Variants in CDKL3 observed in about 807,000 individuals in gnomAD.
CDKL3 encodes the protein cyclin dependent kinase like 3.
In CDKL3, 65 loss-of-function variants were observed where a neutral mutation model predicts 69.3. The observed-to-expected ratio is 0.94, with a 90% confidence interval of 0.77 to 1.15. CDKL3 has a LOEUF of 1.15. Ranked by LOEUF, CDKL3 falls within the 50% of genes most tolerant of loss-of-function variation. The pLI is 0.00. For missense variants in CDKL3, 652 were observed against 689.2 expected, an observed-to-expected ratio of 0.95 and a Z score of 0.61; for synonymous variants, 202 against 221.6, an observed-to-expected ratio of 0.91 and a Z score of 0.79.
intron 6 of CDKL3, among the ~76,000 whole-genome samples, chr5:134,314,876 GTGTT>G (rs568947337): frequency 3.2e-4 from 48 of 152,266 alleles, no homozygotes; most frequent in South Asian, 1.5e-3. Flanking sequence ...TATCGTGTGT[GTGTT>G]TGTGTGTGTG....
Position 134,361,083 on chromosome 5 carries a change from G to A in CDKL3, c.166-992C>T, listed in dbSNP as rs188997848. 5.0e-3 allele frequency among the ~76,000 whole-genome samples: 754 copies of A among 152,216 alleles called. 4 individuals are homozygous for A. The highest frequency in any genetic ancestry group is 0.014 in the Middle Eastern group (4 of 294). On this transcript the variant is annotated intron_variant, in intron 2 of 12. Transcript: ENST00000265334. ...ATTATTGCTAAAATAATTTTAAAAT[G>A]TAAATGATGCCCATGTATCAGCTTA...
In CDKL3 at chr5:134,313,983, A is replaced by T. The variant is rs1427597485; in HGVS notation, c.793-1603T>A. ...AGAAACTCCGTCCCCACTAAAAAAA[A>T]AATAATACAAAATTAGCCGGGTGTG... is the stretch of plus-strand genomic sequence containing the variant. On this transcript the variant is annotated intron_variant, in intron 6 of 12. Coordinates refer to ENST00000265334, the MANE Select transcript of CDKL3 (RefSeq NM_001113575.2). Among the ~76,000 whole-genome samples the T allele has an allele frequency of 2.6e-5, 4 of 152,064 alleles. No individual in the cohort carries two copies. In the East Asian group the frequency reaches 7.7e-4, roughly 29 times the overall value.
chr5:134,364,018 T>C lies in CDKL3; in HGVS notation c.165+2341A>G, dbSNP rs552875930. Among the ~76,000 whole-genome samples the C allele has an allele frequency of 2.2e-4, 32 of 147,008 alleles. No homozygotes were observed. The East Asian group carries it at 2.8e-3, about 13-fold the overall frequency. ...GCAAATTGATCCATCATATCTCATA[T>C]AGACTTACAAAGAAAGAAGAAAATA... On this transcript the variant is annotated intron_variant, in intron 2 of 12. Coordinates refer to ENST00000265334, the MANE Select transcript of CDKL3 (RefSeq NM_001113575.2).
chr5:134,368,671 C>T (rs1943892966), upstream of CDKL3, among the ~76,000 whole-genome samples: 1 of 149,124 alleles, frequency 6.7e-6, no homozygotes, highest in South Asian at 2.1e-4. Flanking sequence ...TATAAAATAC[C>T]TTCTATAAAT....
chr5:134,366,458 T>C lies in CDKL3; in HGVS notation c.66A>G (p.Lys22=), dbSNP rs1156956130. The C allele has an allele frequency of 6.2e-7, 1 of 1,609,202 alleles. No individual in the cohort carries two copies. Residue 22 remains lysine, a synonymous_variant, in exon 2 of 13, where the codon AAA becomes AAG. Coordinates refer to ENST00000265334, the MANE Select transcript of CDKL3 (RefSeq NM_001113575.2). The stretch of plus-strand genomic sequence containing the variant: ...CCACTATCTGCCCAGTATTCTTATG[T>C]TTACATTTCATGACTGTTCCGTAAC... ...EGSYGTVMKC[K]HKNTGQIVAI...
In CDKL3 at chr5:134,308,198, AGATT is replaced by A. The variant is rs1254109004; in HGVS notation, c.1300_1303del (p.Asn434Ter). 4.3e-6 allele frequency: 7 copies of A among 1,613,910 alleles called. 1 individual carries two copies. In the East Asian group the frequency reaches 1.6e-4, roughly 36 times the overall value. On this transcript the variant is annotated frameshift_variant, in exon 9 of 13. Coordinates refer to ENST00000265334, the MANE Select transcript of CDKL3 (RefSeq NM_001113575.2). LOFTEE classifies it high-confidence loss of function. ...TGCAGCCATCAAATTACTGTTAGTTAGATTGATGGGTGGCATTGTCACAGAACCT... is the reference window on the plus strand; with the variant it reads ...TGCAGCCATCAAATTACTGTTAGTTAGATGGGTGGCATTGTCACAGAACCT...
chr5:134,295,868 A>G (rs576796687), downstream of CDKL3, among the ~76,000 whole-genome samples: 46 of 152,280 alleles, frequency 3.0e-4, no homozygotes, highest in African/African-American at 1.1e-3. Context: ...ATGAGATGGA[A>G]CTAGGAAACT....
At chr5:134,288,725 G>T (rs1764988180) in intron 8 of CDKL3, among the ~76,000 whole-genome samples, 1 of 152,152 alleles carries the variant, frequency 6.6e-6, no homozygotes, top group Non-Finnish European at 1.5e-5. Context: ...CAAACCCACT[G>T]TGTCCTGTGT....
At chr5:134,300,872 C>T (rs1273909038) in intron 12 of CDKL3, among the ~76,000 whole-genome samples, 1 of 152,038 alleles carries the variant, frequency 6.6e-6, no homozygotes, top group Admixed American at 6.5e-5. Context: ...CTAACTCACC[C>T]AATGATTGAA....
intron 4 of CDKL3, among the ~76,000 whole-genome samples, chr5:134,335,421 T>C (rs932951816): frequency 2.6e-5 from 4 of 152,210 alleles, no homozygotes; most frequent in African/African-American, 9.6e-5. Flanking sequence ...ATAGCGTCGA[T>C]GGTCTTTACA....
intron 3 of CDKL3, among the ~76,000 whole-genome samples, chr5:134,355,692 A>G (rs1456521645): frequency 2.6e-5 from 4 of 152,204 alleles, no homozygotes; most frequent in Non-Finnish European, 5.9e-5. Context: ...GCATGCATAT[A>G]CACACGTGTA....
At chr5:134,365,268 C>T (rs1484737291) in intron 2 of CDKL3, among the ~76,000 whole-genome samples, 2 of 152,096 alleles carry the variant, frequency 1.3e-5, no homozygotes, top group Non-Finnish European at 2.9e-5. Flanking sequence ...TGAGCCACCG[C>T]ACCCGGCCTT....
At chr5:134,304,599 A>C (rs747016064) in intron 10 of CDKL3, 32 bp from the exon 11 acceptor site, 278 of 1,557,748 alleles carry the variant, frequency 1.8e-4, no homozygotes, top group Non-Finnish European at 2.4e-4. Context: ...AGTTGAAGAA[A>C]TGTGTCTAAC....
intron 3 of CDKL3, among the ~76,000 whole-genome samples, chr5:134,354,954 A>T (rs1473337595): frequency 6.6e-6 from 1 of 151,626 alleles, no homozygotes; most frequent in Non-Finnish European, 1.5e-5. Flanking sequence ...TCAAAAAAAA[A>T]AAAATAGATA....
intron 4 of CDKL3, among the ~76,000 whole-genome samples, chr5:134,338,882 G>A (rs539886067): frequency 7.2e-5 from 11 of 152,086 alleles, no homozygotes; most frequent in South Asian, 2.1e-4. Flanking sequence ...GGTCGGGCAC[G>A]GTGGCTCACA....
At chr5:134,311,093 A>G (rs1489247541) in intron 7 of CDKL3, among the ~76,000 whole-genome samples, 1 of 152,234 alleles carries the variant, frequency 6.6e-6, no homozygotes, top group African/African-American at 2.4e-5. Context: ...TCATGAATCT[A>G]AATTGTAATA....
At chr5:134,333,840 G>T (rs769061842) in intron 4 of CDKL3, among the ~76,000 whole-genome samples, 5 of 152,174 alleles carry the variant, frequency 3.3e-5, no homozygotes, top group Admixed American at 6.6e-5. Flanking sequence ...GAGTTAGGGA[G>T]GAGTCCCTCT....
chr5:134,367,266 A>T, upstream of CDKL3: 2 of 984,110 alleles, frequency 2.0e-6, no homozygotes, highest in Non-Finnish European at 2.4e-6. Flanking sequence ...CGCAAGGTGG[A>T]AGAGTGCTGT....
intron 4 of CDKL3, among the ~76,000 whole-genome samples, chr5:134,344,205 T>C (rs990670728): frequency 1.3e-5 from 2 of 152,132 alleles, no homozygotes; most frequent in South Asian, 4.1e-4. Context: ...TAGAAGAAAA[T>C]GTAACTGTAA....
Sources: allele counts gnomAD v4.1 joint callset (sites outside exome capture counted in the v4.1 genomes callset), GRCh38; gene constraint gnomAD v4.1.1; transcripts MANE v1.5; gene names NCBI Gene and HGNC (gene_info 2026-07-23, HGNC 2026-07-21).